STAU2: variants seen among roughly 807,000 people sequenced by gnomAD.
The protein encoded by STAU2 is double-stranded RNA-binding protein Staufen homolog 2.
In STAU2, 20 loss-of-function variants were observed where a neutral mutation model predicts 65.9. That is an observed-to-expected ratio of 0.30 (90% CI 0.21 to 0.44). The LOEUF (loss-of-function observed/expected upper bound fraction) is 0.44. STAU2 is among the 20% of genes least tolerant of loss of function. The pLI is 1.00. For synonymous variants in STAU2, 232 were observed against 233.9 expected, an observed-to-expected ratio of 0.99 and a Z score of 0.07; for missense variants, 558 against 683.9, an observed-to-expected ratio of 0.82 and a Z score of 2.05.
intron 4 of STAU2, among the ~76,000 whole-genome samples, chr8:73,694,880 A>G (rs748826173): frequency 3.3e-5 from 5 of 152,216 alleles, no homozygotes; most frequent in Non-Finnish European, 5.9e-5. Flanking sequence ...TGCTGGACTC[A>G]GCCAGCACCT....
intron 13 of STAU2, among the ~76,000 whole-genome samples, chr8:73,458,507 G>A (rs1819186826): frequency 6.6e-6 from 1 of 152,178 alleles, no homozygotes; most frequent in Admixed American, 6.5e-5. Flanking sequence ...TACTTGTGAA[G>A]CAAGGCTCAA....
At chr8:73,615,303 A>G (rs566002402) in intron 8 of STAU2, among the ~76,000 whole-genome samples, 2 of 151,450 alleles carry the variant, frequency 1.3e-5, no homozygotes, top group Admixed American at 1.3e-4. Flanking sequence ...CACACAATTG[A>G]AAAAAAAATT....
intron 12 of STAU2, among the ~76,000 whole-genome samples, chr8:73,575,397 C>T (rs562745998): frequency 8.5e-5 from 13 of 152,210 alleles, no homozygotes; most frequent in South Asian, 6.2e-4. Flanking sequence ...ATGGTAGAGA[C>T]GTAAACTGCT....
chr8:73,659,539 A>C (rs1016333641), intron 6 of STAU2, among the ~76,000 whole-genome samples: 3 of 152,182 alleles, frequency 2.0e-5, no homozygotes, highest in Non-Finnish European at 4.4e-5. Context: ...CTCTGTCTCA[A>C]AAAAAGAAGA....
intron 3 of STAU2, among the ~76,000 whole-genome samples, chr8:73,733,198 T>A (rs568735336): frequency 1.4e-3 from 215 of 152,214 alleles, no homozygotes; most frequent in African/African-American, 5.1e-3. Context: ...ATATCTACTA[T>A]CAAACCTCAC....
At chr8:73,458,413 C>T (rs1379645149) in intron 13 of STAU2, among the ~76,000 whole-genome samples, 1 of 152,172 alleles carries the variant, frequency 6.6e-6, no homozygotes, top group Non-Finnish European at 1.5e-5. Context: ...TGGGCTTAAT[C>T]CTGTCTAGTA....
At chr8:73,514,609 A>G (rs192091448) in intron 13 of STAU2, among the ~76,000 whole-genome samples, 8 of 152,294 alleles carry the variant, frequency 5.3e-5, no homozygotes, top group Admixed American at 5.2e-4. Flanking sequence ...TTTTTGGTCC[A>G]TCAACTCCTA....
At chr8:73,550,460 T>C (rs1474784922) in intron 13 of STAU2, 2 of 985,728 alleles carry the variant, frequency 2.0e-6, no homozygotes, top group Non-Finnish European at 2.4e-6. Flanking sequence ...ATTCAGAGCT[T>C]GAATGCAATT....
At position 73,622,145 on chromosome 8, in the gene STAU2, T is replaced by A. The variant is rs1259978937; in HGVS notation, c.411-4694A>T. ...CTAATTTTTTTTTTTTTTTTTTTTT[T>A]GAGACGGAGTCTCGCTGTCGCCCAG... On this transcript the variant is annotated intron_variant, in intron 6 of 14. Coordinates refer to ENST00000524300, the MANE Select transcript of STAU2 (RefSeq NM_001164380.2). Among the ~76,000 whole-genome samples the A allele has an allele frequency of 6.6e-3, 425 of 64,396 alleles. 3 individuals carry two copies. The highest frequency in any genetic ancestry group is 0.016 in the African/African-American group (135 of 8,544). 42.2% of individuals were successfully genotyped at this position (64,396 alleles called of 152,430 possible).
At chr8:73,538,441 C>A (rs913066053) in intron 13 of STAU2, among the ~76,000 whole-genome samples, 2 of 151,840 alleles carry the variant, frequency 1.3e-5, no homozygotes, top group Non-Finnish European at 2.9e-5. Context: ...TCTTTGCATG[C>A]CAGAATTTTA....
At chr8:73,455,758 T>A (rs1269308052) in intron 13 of STAU2, among the ~76,000 whole-genome samples, 1 of 152,188 alleles carries the variant, frequency 6.6e-6, no homozygotes, top group Non-Finnish European at 1.5e-5. Context: ...CTGTTATAGT[T>A]TTTTTTATTT....
chr8:73,500,869 C>T (rs1033261305), intron 13 of STAU2, among the ~76,000 whole-genome samples: 1 of 151,882 alleles, frequency 6.6e-6, no homozygotes. Context: ...AATTTTCTCA[C>T]ATTCTGCTAA....
chr8:73,594,931 A>C (rs1811076144), intron 11 of STAU2, among the ~76,000 whole-genome samples: 1 of 152,260 alleles, frequency 6.6e-6, no homozygotes, highest in Non-Finnish European at 1.5e-5. Context: ...TTGGTATTAC[A>C]TAAAATATGT....
chr8:73,706,090 G>A (rs1820481474), intron 4 of STAU2, among the ~76,000 whole-genome samples: 1 of 152,002 alleles, frequency 6.6e-6, no homozygotes, highest in Non-Finnish European at 1.5e-5. Flanking sequence ...GTATGTGTGT[G>A]AATTGCCATA....
chr8:73,695,235 A>G (rs1819621247), intron 4 of STAU2, among the ~76,000 whole-genome samples: 1 of 152,170 alleles, frequency 6.6e-6, no homozygotes, highest in African/African-American at 2.4e-5. Flanking sequence ...AGAGTGAAGA[A>G]AAAAGAGAAC....
At chr8:73,530,414 C>T (rs543497796) in intron 13 of STAU2, among the ~76,000 whole-genome samples, 35 of 152,232 alleles carry the variant, frequency 2.3e-4, no homozygotes, top group Admixed American at 9.8e-4. Context: ...AAAGAACACA[C>T]AAAGGAACAA....
intron 6 of STAU2, among the ~76,000 whole-genome samples, chr8:73,625,662 G>A (rs1233534308): frequency 6.6e-6 from 1 of 152,126 alleles, no homozygotes; most frequent in East Asian, 1.9e-4. Flanking sequence ...TGTACTAAAT[G>A]CACAATGAAT....
intron 9 of STAU2, among the ~76,000 whole-genome samples, chr8:73,605,096 A>G (rs1811910637): frequency 6.6e-6 from 1 of 152,198 alleles, no homozygotes; most frequent in African/African-American, 2.4e-5. Flanking sequence ...TTATTGCTAC[A>G]TGCATCAAGA....
intron 1 of STAU2, 53 bp downstream of exon 1, chr8:73,746,730 G>A (rs1436729335): frequency 1.9e-5 from 21 of 1,128,920 alleles, no homozygotes; most frequent in Non-Finnish European, 2.4e-5. Context: ...TGCCTTCTTC[G>A]CCGGCGGCGC....
Sources: allele counts gnomAD v4.1 joint callset (sites outside exome capture counted in the v4.1 genomes callset), GRCh38; gene constraint gnomAD v4.1.1; transcripts MANE v1.5; gene names NCBI Gene and HGNC (gene_info 2026-07-23, HGNC 2026-07-21).